Variants in PCDH9 observed in about 807,000 individuals in gnomAD.
PCDH9 encodes the protein protocadherin-9.
PCDH9 carries 24 observed loss-of-function variants against 70.6 expected under a neutral mutation model. The ratio of observed to expected loss-of-function variants is 0.34; its 90% CI spans 0.25 to 0.48. The LOEUF (loss-of-function observed/expected upper bound fraction) is 0.48, where lower values mean the gene tolerates loss of function less well. Ranked by LOEUF, PCDH9 falls within the 20% of genes least tolerant of loss-of-function variation. The probability of loss-of-function intolerance (pLI) is 0.99; values close to 1 mark genes in which losing one functional copy is unlikely to be tolerated. For missense variants in PCDH9, 1,281 were observed against 1,503.6 expected, an observed-to-expected ratio of 0.85 and a Z score of 2.45; for synonymous variants, 562 against 558.5, an observed-to-expected ratio of 1.01 and a Z score of -0.09.
chr13:66,822,134 G>GCACACA (rs1555272314), intron 3 of PCDH9, among the ~76,000 whole-genome samples: 1 of 41,510 alleles, frequency 2.4e-5, no homozygotes, highest in South Asian at 1.5e-3. Flanking sequence ...CATCACACAC[G>GCACACA]CGCACACACA....
chr13:66,463,760 A>G (rs1958467621), intron 4 of PCDH9, among the ~76,000 whole-genome samples: 1 of 151,774 alleles, frequency 6.6e-6, no homozygotes, highest in Non-Finnish European at 1.5e-5. Context: ...TCGTGCTCAG[A>G]CACAGAAATA....
intron 3 of PCDH9, among the ~76,000 whole-genome samples, chr13:66,678,869 G>GC (rs2078279281): frequency 6.6e-6 from 1 of 151,714 alleles, no homozygotes; most frequent in African/African-American, 2.4e-5. Flanking sequence ...ATGTTCTTTT[G>GC]CAAGAAAGAA....
chr13:66,715,909 G>A (rs1179557939), intron 3 of PCDH9, among the ~76,000 whole-genome samples: 1 of 152,168 alleles, frequency 6.6e-6, no homozygotes, highest in Non-Finnish European at 1.5e-5. Flanking sequence ...GTACTAGTAA[G>A]AAAGGGTCTT....
intron 3 of PCDH9, among the ~76,000 whole-genome samples, chr13:66,827,186 C>A (rs1226747889): frequency 3.3e-5 from 5 of 151,932 alleles, no homozygotes; most frequent in Non-Finnish European, 5.9e-5. Context: ...GTAATTGATT[C>A]TCCCCATAAC....
At chr13:66,958,243 G>A (rs2083293315) in intron 2 of PCDH9, among the ~76,000 whole-genome samples, 1 of 152,214 alleles carries the variant, frequency 6.6e-6, no homozygotes, top group African/African-American at 2.4e-5. Flanking sequence ...CCTGGAGACT[G>A]AGTATTACAA....
intron 4 of PCDH9, among the ~76,000 whole-genome samples, chr13:66,420,141 G>A (rs1957538207): frequency 6.6e-6 from 1 of 152,120 alleles, no homozygotes; most frequent in Non-Finnish European, 1.5e-5. Context: ...TCTCTGGCCA[G>A]GGCATCTCTG....
intron 2 of PCDH9, among the ~76,000 whole-genome samples, chr13:67,137,834 C>T (rs538165717): frequency 1.8e-4 from 27 of 152,104 alleles, no homozygotes; most frequent in South Asian, 8.3e-4. Flanking sequence ...TAATTGATTA[C>T]TTGGCTTTTA....
At chr13:66,583,102 C>CT (rs375846984) in intron 4 of PCDH9, among the ~76,000 whole-genome samples, 14,776 of 125,418 alleles carry the variant, frequency 0.12, 889 homozygotes, top group Middle Eastern at 0.25. Context: ...TATGTGCATG[C>CT]TTTTTTTTTT....
chr13:67,066,535 G>C (rs905972254), intron 2 of PCDH9, among the ~76,000 whole-genome samples: 4 of 152,034 alleles, frequency 2.6e-5, no homozygotes, highest in African/African-American at 9.7e-5. Flanking sequence ...CACCCGGCCT[G>C]GGTTAGTCAG....
intron 4 of PCDH9, among the ~76,000 whole-genome samples, chr13:66,407,150 T>C (rs1035254186): frequency 2.6e-5 from 4 of 152,192 alleles, no homozygotes; most frequent in African/African-American, 4.8e-5. Context: ...ACTTTCATCA[T>C]TTCTCCTCGG....
intron 3 of PCDH9, among the ~76,000 whole-genome samples, chr13:66,641,307 C>A (rs141156777): frequency 6.6e-6 from 1 of 152,260 alleles, no homozygotes; most frequent in African/African-American, 2.4e-5. Flanking sequence ...AAGGAGACAG[C>A]CATATAACTA....
intron 4 of PCDH9, among the ~76,000 whole-genome samples, chr13:66,335,055 T>C (rs965984520): frequency 1.3e-5 from 2 of 152,102 alleles, no homozygotes; most frequent in African/African-American, 4.8e-5. Context: ...AGGACTGCAA[T>C]TCATCTAAAT....
chr13:66,916,180 A>T (rs1161132720), intron 2 of PCDH9, among the ~76,000 whole-genome samples: 1 of 151,706 alleles, frequency 6.6e-6, no homozygotes, highest in African/African-American at 2.4e-5. Context: ...GCAAAGACAA[A>T]TTCAGATATA....
chr13:67,225,605 G>A lies in PCDH9; in HGVS notation c.2836C>T (p.Pro946Ser). The A allele has an allele frequency of 6.2e-7, 1 of 1,614,126 alleles. No individual in the cohort carries two copies. Among genetic ancestry groups the A allele is most frequent in the South Asian group, 1.1e-5 (1 of 91,080 alleles). Residue 946 changes from proline (P) to serine (S), a missense_variant, in exon 2 of 5, where the codon CCT becomes TCT. Pro to Ser is a moderately conservative substitution (Grantham distance 74). Around this residue, in one of 4 missense-constraint regions of PCDH9, gnomAD observed 207 missense variants for 191.8 expected, o/e 1.08. Transcript: ENST00000377865. ...AKHYKSASPQ[P>S]AFHLKPDTPV... is the part of the protein sequence containing the mutation. ...GTGTCTGGTTTGAGATGAAAAGCAG[G>A]CTGTGGAGAAGCAGATTTGTAGTGC...
At chr13:66,397,307 T>A (rs1957116576) in intron 4 of PCDH9, among the ~76,000 whole-genome samples, 1 of 152,014 alleles carries the variant, frequency 6.6e-6, no homozygotes, top group Admixed American at 6.6e-5. Context: ...TTGTCTCAGC[T>A]ACTTTGGAAG....
At chr13:66,952,187 T>C (rs1363038099) in intron 2 of PCDH9, among the ~76,000 whole-genome samples, 2 of 152,148 alleles carry the variant, frequency 1.3e-5, no homozygotes, top group Non-Finnish European at 2.9e-5. Flanking sequence ...GTAGGGTACA[T>C]ACGCTTCTCC....
chr13:67,059,202 TC>T (rs2085482381), intron 2 of PCDH9, among the ~76,000 whole-genome samples: 1 of 151,748 alleles, frequency 6.6e-6, no homozygotes, highest in African/African-American at 2.4e-5. Context: ...AAACTTTCAT[TC>T]TTTTATGCAA....
chr13:66,843,086 G>C (rs1488227193), intron 3 of PCDH9, among the ~76,000 whole-genome samples: 1 of 152,194 alleles, frequency 6.6e-6, no homozygotes, highest in Non-Finnish European at 1.5e-5. Context: ...ACTTCAGGTA[G>C]ACCCAGGTTT....
At chr13:66,339,391 G>A (rs1670158330) in intron 4 of PCDH9, among the ~76,000 whole-genome samples, 1 of 152,004 alleles carries the variant, frequency 6.6e-6, no homozygotes, top group Non-Finnish European at 1.5e-5. Context: ...GGGGGTGTGG[G>A]TGAACCTAAA....
Sources: gnomAD v4.1 joint callset for allele counts (sites outside exome capture counted in the v4.1 genomes callset) on GRCh38, gnomAD v4.1.1 for gene constraint, gnomAD v4.1.1 regional missense constraint, MANE v1.5 for transcripts, NCBI Gene and HGNC (gene_info 2026-07-23, HGNC 2026-07-21) for gene names.